PEAR1: variants seen among roughly 807,000 people sequenced by gnomAD.
PEAR1 encodes platelet endothelial aggregation receptor 1, also known as multiple EGF-like domains protein 12.
Under a neutral mutation model 131.2 loss-of-function variants are expected in PEAR1, and 113 were observed. The ratio of observed to expected loss-of-function variants is 0.86; its 90% CI spans 0.74 to 1.01. The LOEUF (loss-of-function observed/expected upper bound fraction) is 1.01, where lower values mean the gene tolerates loss of function less well. PEAR1 is among the 50% of genes least tolerant of loss of function. The pLI is 0.00. For synonymous variants in PEAR1, 565 were observed against 523.3 expected, an observed-to-expected ratio of 1.08 and a Z score of -1.09; for missense variants, 1,408 against 1,391.1, an observed-to-expected ratio of 1.01 and a Z score of -0.19.
At chr1:156,911,335 G>A (rs1651186262) in intron 15 of PEAR1, among the ~76,000 whole-genome samples, 1 of 137,588 alleles carries the variant, frequency 7.3e-6, no homozygotes, top group African/African-American at 2.8e-5. Flanking sequence ...AGGCTAGAGT[G>A]CAGTGGCATG....
At chr1:156,904,437 C>T (rs1650003147) in intron 2 of PEAR1, among the ~76,000 whole-genome samples, 1 of 152,090 alleles carries the variant, frequency 6.6e-6, no homozygotes, top group African/African-American at 2.4e-5. Context: ...CCAGCTGGGC[C>T]CAGGAGTCAG....
At position 156,908,525 on chromosome 1, in the gene PEAR1, A is replaced by C. The variant is rs965245744; in HGVS notation, c.1116-130A>C. 5.0e-6 allele frequency: 6 copies of C among 1,202,256 alleles called. No homozygotes were observed. Among genetic ancestry groups the C allele is most frequent in the Non-Finnish European group, 6.8e-6 (6 of 887,076 alleles). 74.5% of individuals were successfully genotyped at this position (1,202,256 alleles called of 1,614,324 possible). A position where few individuals can be genotyped will look rare whatever the true frequency, so the allele number is the denominator to read the frequency against. On this transcript the variant is annotated intron_variant, in intron 9 of 22. Transcript: ENST00000292357. This position sits in a 1 kb window ranked among gnomAD's most constrained non-coding sequence, Gnocchi z 4.2. ...CTTGCCCCAACCCAGTTTTCAGAAT[A>C]GCGCGGAGCCTCCCTAGTGACCCCC...
At chr1:156,909,384 C>T (rs1295372721) in intron 11 of PEAR1, among the ~76,000 whole-genome samples, 1 of 152,182 alleles carries the variant, frequency 6.6e-6, no homozygotes, top group East Asian at 1.9e-4. Context: ...GACTCGGATA[C>T]AGTTGTGCTT....
rs12407843 is a variant in PEAR1, at chr1:156,903,935, G to A, written c.9G>A (p.Pro3=). ...TGCTGCAGGCCTCTGCAATGTCACC[G>A]CCTCTGTGTCCCCTCCTTCTCCTGG... MS[P]PLCPLLLLAV... Residue 3 remains proline (P), a synonymous_variant, in exon 2 of 23, where the codon CCG becomes CCA. Transcript: ENST00000292357. The A allele has an allele frequency of 0.13, 209,178 of 1,612,972 alleles. 16,183 individuals are homozygous for A. The highest frequency in any genetic ancestry group is 0.4 in the East Asian group (17,908 of 44,830).
chr1:156,900,826 G>A (rs1051315434), intron 1 of PEAR1, among the ~76,000 whole-genome samples: 1 of 152,166 alleles, frequency 6.6e-6, no homozygotes, highest in African/African-American at 2.4e-5. Context: ...CCCCAGGGCA[G>A]AGCAGGGGTC....
At chr1:156,911,285 C>CT (rs11386240) in intron 15 of PEAR1, among the ~76,000 whole-genome samples, 16,887 of 92,988 alleles carry the variant, frequency 0.18, 2,443 homozygotes, top group African/African-American at 0.29. Flanking sequence ...CTCTTTCTTT[C>CT]TTTTTTTTTT....
chr1:156,914,109 T>C lies in PEAR1; in HGVS notation c.2962+9T>C. Reference sequence around the variant, plus strand: ...CAGCCCCCTGATCCATGGTGAGCCCTCCCTCTCCACTGGCAGGAGCAGCAG... The same window carrying C: ...CAGCCCCCTGATCCATGGTGAGCCCCCCCTCTCCACTGGCAGGAGCAGCAG... On this transcript the variant is annotated intron_variant, in intron 22 of 22. Coordinates refer to ENST00000292357, the MANE Select transcript of PEAR1 (RefSeq NM_001080471.3). 6.3e-7 allele frequency: 1 copy of C among 1,577,722 alleles called. No individual in the cohort carries two copies. The highest frequency in any genetic ancestry group is 8.6e-7 in the Non-Finnish European group (1 of 1,160,692).
At position 156,909,905 on chromosome 1, in the gene PEAR1, G is replaced by T; in HGVS notation, c.1566G>T (p.Leu522=). The change falls in exon 12 of 23, where the codon CTG becomes CTT. Residue 522 remains leucine (L), a synonymous_variant. Transcript: ENST00000292357. ...TPGWHGAHCQ[L]PCPKGQFGEG... is the part of the protein sequence containing the mutation. Reference sequence around the variant, plus strand: ...GGTGGCATGGGGCCCACTGCCAGCTGCCCTGTCCGGTGAGTGCTGGACAGC... The same window carrying T: ...GGTGGCATGGGGCCCACTGCCAGCTTCCCTGTCCGGTGAGTGCTGGACAGC... 1.2e-6 allele frequency: 2 copies of T among 1,608,832 alleles called. No homozygotes were observed. The highest frequency in any genetic ancestry group is 1.7e-6 in the Non-Finnish European group (2 of 1,176,550).
chr1:156,903,173 C>A (rs771852089), intron 1 of PEAR1, among the ~76,000 whole-genome samples: 1 of 152,146 alleles, frequency 6.6e-6, no homozygotes, highest in Non-Finnish European at 1.5e-5. Flanking sequence ...TCTCTGGGCC[C>A]GTATGAGGTG....
At chr1:156,897,951 A>C (rs1649322903) in intron 1 of PEAR1, among the ~76,000 whole-genome samples, 2 of 152,014 alleles carry the variant, frequency 1.3e-5, no homozygotes, top group Non-Finnish European at 2.9e-5. Context: ...GGCAGTGGCC[A>C]GAGCACTTTC....
chr1:156,903,298 T>C (rs1435349267), intron 1 of PEAR1, among the ~76,000 whole-genome samples: 1 of 152,174 alleles, frequency 6.6e-6, no homozygotes. Context: ...TGCCTGCATA[T>C]GTCCAGTGAC....
chr1:156,907,655 C>T lies in PEAR1; in HGVS notation c.690C>T (p.Pro230=), dbSNP rs1650485365. 6.2e-7 allele frequency: 1 copy of T among 1,614,008 alleles called. No homozygotes were observed. Among genetic ancestry groups the T allele is most frequent in the Non-Finnish European group, 8.5e-7 (1 of 1,179,914 alleles). ...AGGGCACTTCTGGCTTCTTCTGCCC[C>T]AGCACCCATTCTTGCCAAAATGGAG... ...CSQGTSGFFC[P]STHSCQNGGV... The change falls in exon 7 of 23, where the codon CCC becomes CCT. Residue 230 remains proline (P), a synonymous_variant. Transcript: ENST00000292357.
rs753320611 is a variant in PEAR1, at chr1:156,910,211, C to T, written c.1679-23C>T. The T allele has an allele frequency of 1.5e-5, 24 of 1,610,044 alleles. No homozygotes were observed. The East Asian group carries it at 4.9e-4, about 33-fold the overall frequency. ...GAACTGAAGGGGGCCCAGCCAGGCACACCCGACTGCTGTCTCCCACAGGTG... is the reference window on the plus strand; with the variant it reads ...GAACTGAAGGGGGCCCAGCCAGGCATACCCGACTGCTGTCTCCCACAGGTG... On this transcript the variant is annotated intron_variant, in intron 13 of 22. Coordinates refer to ENST00000292357, the MANE Select transcript of PEAR1 (RefSeq NM_001080471.3).
In PEAR1 at chr1:156,909,749, A is replaced by G. The variant is rs1402322410; in HGVS notation, c.1412-2A>G. On this transcript the variant is annotated splice_acceptor_variant, in intron 11 of 22. Transcript: ENST00000292357. LOFTEE classifies it high-confidence loss of function. ...TACCTACCTACCAGGCCCCTCCTCC[A>G]GGTTGGCAGCGTGGTAACTGCTCTG... 4 of 1,596,048 alleles carry G rather than the reference A, an allele frequency of 2.5e-6. No individual in the cohort carries two copies. Among genetic ancestry groups the G allele is most frequent in the Non-Finnish European group, 3.4e-6 (4 of 1,167,916 alleles).
chr1:156,908,640 CG>C lies in PEAR1; in HGVS notation c.1116-14del. 6.6e-7 allele frequency: 1 copy of C among 1,512,284 alleles called. No individual in the cohort carries two copies. Among genetic ancestry groups the C allele is most frequent in the Non-Finnish European group, 8.8e-7 (1 of 1,134,086 alleles). The allele number at this position is 1,512,284 out of a possible 1,614,324, so 93.7% of individuals were successfully genotyped here. A position where few individuals can be genotyped will look rare whatever the true frequency, so the allele number is the denominator to read the frequency against. On this transcript the variant is annotated splice_polypyrimidine_tract_variant and intron_variant, in intron 9 of 22. Transcript: ENST00000292357. This position sits in a 1 kb window ranked among gnomAD's most constrained non-coding sequence, Gnocchi z 4.2. ...CCCAGCTCAGACCGCGCCACGCCCC[CG>C]CCTCTGCCCCCAGCTGCCACCCGAT...
chr1:156,910,398 C>T lies in PEAR1; in HGVS notation c.1825+18C>T. 1 of 1,571,294 alleles carries T rather than the reference C, an allele frequency of 6.4e-7. No homozygotes were observed. The highest frequency in any genetic ancestry group is 1.8e-4 in the Middle Eastern group (1 of 5,506). Reference sequence around the variant, plus strand: ...CCAGAGATGTGAGGCTCCCTACTGCCCCTTCCACCTGCCACCAGCAGGGGG... The same window carrying T: ...CCAGAGATGTGAGGCTCCCTACTGCTCCTTCCACCTGCCACCAGCAGGGGG... On this transcript the variant is annotated intron_variant, in intron 14 of 22. Transcript: ENST00000292357.
At chr1:156,905,467 A>G (rs1385629970) in intron 4 of PEAR1, 43 bp downstream of exon 4, 1 of 1,525,088 alleles carries the variant, frequency 6.6e-7, no homozygotes. Flanking sequence ...GGGCAATGGA[A>G]TGCGGGGAGC....
In PEAR1 at chr1:156,907,677, G is replaced by A. The variant is rs745657479; in HGVS notation, c.712G>A (p.Gly238Arg). The A allele has an allele frequency of 1.9e-6, 3 of 1,613,836 alleles. No individual in the cohort carries two copies. Among genetic ancestry groups the A allele is most frequent in the African/African-American group, 2.7e-5 (2 of 74,922 alleles). Residue 238 changes from glycine (G) to arginine (R), a missense_variant, in exon 7 of 23, where the codon GGA becomes AGA. Physicochemically the swap from Gly to Arg is moderately radical, Grantham distance 125. Transcript: ENST00000292357. The stretch of plus-strand genomic sequence containing the variant: ...CCCCAGCACCCATTCTTGCCAAAAT[G>A]GAGGTGTCTTCCAAACCCCACAGGG... ...FCPSTHSCQNGGVFQTPQGSC... is the reference protein window; with the variant it reads ...FCPSTHSCQNRGVFQTPQGSC...
chr1:156,907,991 G>T lies in PEAR1; in HGVS notation c.842G>T (p.Gly281Val). 1 of 1,575,004 alleles carries T rather than the reference G, an allele frequency of 6.3e-7. No homozygotes were observed. Among genetic ancestry groups the T allele is most frequent in the East Asian group, 2.3e-5 (1 of 42,726 alleles). The part of the protein sequence containing the change: ...NCSQECRCHN[G>V]GLCDRFTGQC... Reference sequence around the variant, plus strand: ...TCCCAGGAATGTCGCTGCCACAACGGCGGCCTCTGTGACCGATTCACTGGG... The same window carrying T: ...TCCCAGGAATGTCGCTGCCACAACGTCGGCCTCTGTGACCGATTCACTGGG... The change falls in exon 8 of 23, where the codon GGC (glycine) becomes GTC (valine). Residue 281 changes from glycine (G) to valine (V), a missense_variant. Gly to Val is a moderately radical substitution (Grantham distance 109). Transcript: ENST00000292357.
Sources: allele counts gnomAD v4.1 joint callset (sites outside exome capture counted in the v4.1 genomes callset), GRCh38; gene constraint gnomAD v4.1.1; non-coding constraint Gnocchi (gnomAD v3.1); transcripts MANE v1.5; gene names NCBI Gene and HGNC (gene_info 2026-07-23, HGNC 2026-07-21).